RAPGEF5: variants seen among roughly 807,000 people sequenced by gnomAD.
The protein encoded by RAPGEF5 is M-Ras-regulated GEF.
Under a neutral mutation model 125.2 loss-of-function variants are expected in RAPGEF5, and 65 were observed. That is an observed-to-expected ratio of 0.52 (90% CI 0.43 to 0.64). The LOEUF is 0.64. Among genes scored for constraint, RAPGEF5 ranks in the 30% least tolerant of loss-of-function variants. The pLI is 0.00. For synonymous variants in RAPGEF5, 391 were observed against 385.9 expected (o/e 1.01, Z -0.16); for missense variants, 958 against 1,048.1 (o/e 0.91, Z 1.19).
intron 1 of RAPGEF5, among the ~76,000 whole-genome samples, chr7:22,354,824 T>C (rs1245512170): frequency 1.3e-5 from 2 of 152,182 alleles, no homozygotes; most frequent in African/African-American, 4.8e-5. Flanking sequence ...CACATTGATC[T>C]CAGGCTTCCC....
intron 1 of RAPGEF5, among the ~76,000 whole-genome samples, chr7:22,348,037 G>T (rs979471926): frequency 1.3e-5 from 2 of 152,120 alleles, no homozygotes; most frequent in African/African-American, 4.8e-5. Flanking sequence ...GAGAGAAAAG[G>T]TAAAATAATT....
intron 25 of RAPGEF5, among the ~76,000 whole-genome samples, chr7:22,124,912 T>G (rs1782689933): frequency 6.6e-6 from 1 of 152,206 alleles, no homozygotes; most frequent in Non-Finnish European, 1.5e-5. Context: ...ATAATCCCCA[T>G]TTGCTAGGAC....
chr7:22,129,438 G>T (rs1331702394), intron 24 of RAPGEF5, among the ~76,000 whole-genome samples: 2 of 152,146 alleles, frequency 1.3e-5, no homozygotes, highest in African/African-American at 4.8e-5. Flanking sequence ...GTTGTTCTTA[G>T]GGAGATGTGT....
intron 7 of RAPGEF5, among the ~76,000 whole-genome samples, chr7:22,244,701 T>A (rs1786431366): frequency 6.6e-6 from 1 of 151,992 alleles, no homozygotes; most frequent in South Asian, 2.1e-4. Flanking sequence ...CCTGAAACCA[T>A]CCCCCTACCC....
At chr7:22,124,763 T>C (rs1782684748) in intron 25 of RAPGEF5, among the ~76,000 whole-genome samples, 2 of 152,208 alleles carry the variant, frequency 1.3e-5, no homozygotes, top group Admixed American at 6.5e-5. Context: ...AATTTTCTAT[T>C]TTTTATTACC....
intron 20 of RAPGEF5, among the ~76,000 whole-genome samples, chr7:22,141,871 A>G (rs1454902547): frequency 6.6e-6 from 1 of 152,196 alleles, no homozygotes. Flanking sequence ...TATTCCATGA[A>G]TAAACTCCAA....
intron 1 of RAPGEF5, among the ~76,000 whole-genome samples, chr7:22,322,372 C>T (rs924349497): frequency 5.9e-5 from 9 of 151,816 alleles, no homozygotes; most frequent in Non-Finnish European, 1.3e-4. Flanking sequence ...GTCTCAAACT[C>T]CTGGGCTCAA....
At chr7:22,142,523 C>A (rs576358970) in intron 20 of RAPGEF5, among the ~76,000 whole-genome samples, 96 of 152,054 alleles carry the variant, frequency 6.3e-4, no homozygotes, top group South Asian at 1.2e-3. Context: ...AGGAAAAAAA[C>A]CCATAAAAAC....
At chr7:22,226,142 A>G (rs1391787496) in intron 8 of RAPGEF5, among the ~76,000 whole-genome samples, 1 of 152,198 alleles carries the variant, frequency 6.6e-6, no homozygotes, top group Non-Finnish European at 1.5e-5. Context: ...ATGCTGCAAA[A>G]ATTGCTTATC....
At chr7:22,226,560 TAGA>T (rs1785923429) in intron 8 of RAPGEF5, among the ~76,000 whole-genome samples, 1 of 152,162 alleles carries the variant, frequency 6.6e-6, no homozygotes, top group African/African-American at 2.4e-5. Flanking sequence ...CTGTTAGGGA[TAGA>T]AGAATATGCC....
At chr7:22,123,759 T>C (rs11760574) in intron 25 of RAPGEF5, among the ~76,000 whole-genome samples, 19,696 of 152,248 alleles carry the variant, frequency 0.13, 1,371 homozygotes, top group South Asian at 0.21. Flanking sequence ...GAATGCCTTC[T>C]CTGGAAGACG....
At chr7:22,208,498 T>C (rs1263021503) in intron 9 of RAPGEF5, among the ~76,000 whole-genome samples, 2 of 152,148 alleles carry the variant, frequency 1.3e-5, no homozygotes, top group African/African-American at 4.8e-5. Context: ...TCAGCACAGA[T>C]CATTAGGGAT....
intron 3 of RAPGEF5, among the ~76,000 whole-genome samples, chr7:22,310,775 T>A (rs1783450792): frequency 6.6e-6 from 1 of 152,172 alleles, no homozygotes; most frequent in Admixed American, 6.5e-5. Context: ...GCAGCCCAGG[T>A]CACATAACCA....
In RAPGEF5 at chr7:22,193,408, A is replaced by C. The variant is rs187424703; in HGVS notation, c.1163T>G (p.Leu388Trp). Reference sequence around the variant, plus strand: ...GACTTCTTCCAGGTGCAAGTCATTCAAAAGGTGCTCCAAAATCTTCTCCGG... The same window carrying C: ...GACTTCTTCCAGGTGCAAGTCATTCCAAAGGTGCTCCAAAATCTTCTCCGG... ...GTPEKILEHL[L>W]NDLHLEEVQD... Residue 388 changes from leucine to tryptophan, a missense_variant, in exon 11 of 26, where the codon TTG becomes TGG. By Grantham distance (61) the Leu-to-Trp change is moderately conservative (BLOSUM62 -2). Transcript: ENST00000665637. 6.3e-7 allele frequency: 1 copy of C among 1,597,152 alleles called. No individual in the cohort carries two copies. Among genetic ancestry groups the C allele is most frequent in the Admixed American group, 1.7e-5 (1 of 57,950 alleles).
At chr7:22,310,199 C>A (rs990663617) in intron 3 of RAPGEF5, 109 bp from the exon 4 acceptor site, 3 of 1,182,322 alleles carry the variant, frequency 2.5e-6, no homozygotes, top group Non-Finnish European at 3.3e-6. Flanking sequence ...TTTTTTTAGA[C>A]AAGCAACCCA....
At chr7:22,242,934 T>G (rs1583510783) in intron 7 of RAPGEF5, among the ~76,000 whole-genome samples, 1 of 113,106 alleles carries the variant, frequency 8.8e-6, no homozygotes, top group African/African-American at 3.6e-5. Context: ...GCAACAAGAG[T>G]GAAACTCCGT....
intron 1 of RAPGEF5, among the ~76,000 whole-genome samples, chr7:22,337,629 G>A (rs533848690): frequency 1.1e-4 from 16 of 152,316 alleles, no homozygotes; most frequent in South Asian, 1.0e-3. Flanking sequence ...CCCACGGCCC[G>A]GAATGACCCA....
intron 7 of RAPGEF5, among the ~76,000 whole-genome samples, chr7:22,258,483 G>C (rs554354707): frequency 1.3e-5 from 2 of 152,072 alleles, no homozygotes; most frequent in African/African-American, 4.8e-5. Context: ...AGCTGGGCAT[G>C]GTGGCACCTG....
intron 6 of RAPGEF5, among the ~76,000 whole-genome samples, chr7:22,274,529 T>C (rs970215055): frequency 1.3e-5 from 2 of 151,842 alleles, no homozygotes; most frequent in Non-Finnish European, 1.5e-5. Context: ...GACATCTTGT[T>C]ATGTTGCCCA....
Sources: gnomAD v4.1 joint callset for allele counts (sites outside exome capture counted in the v4.1 genomes callset) on GRCh38, gnomAD v4.1.1 for gene constraint, MANE v1.5 for transcripts, NCBI Gene and HGNC (gene_info 2026-07-23, HGNC 2026-07-21) for gene names.